Variants in RNF6 observed in about 807,000 individuals in gnomAD.
The protein encoded by RNF6 is ring finger protein 6.
In RNF6, 21 loss-of-function variants were observed where a neutral mutation model predicts 50.1. The ratio of observed to expected loss-of-function variants is 0.42; its 90% CI spans 0.30 to 0.60. The LOEUF is 0.60. RNF6 is among the 20% of genes least tolerant of loss of function. The probability of loss-of-function intolerance (pLI) is 0.20; values close to 1 mark genes in which losing one functional copy is unlikely to be tolerated. For missense variants in RNF6, 698 were observed against 838.2 expected (o/e 0.83, Z 2.07); for synonymous variants, 255 against 291.8 (o/e 0.87, Z 1.29).
intron 5 of RNF6, among the ~76,000 whole-genome samples, chr13:26,149,762 C>T (rs1871453071): frequency 6.6e-6 from 1 of 150,826 alleles, no homozygotes; most frequent in Non-Finnish European, 1.5e-5. Context: ...AGCCAGCAGG[C>T]CTTGGTTGAC....
rs1293057465 is a variant in RNF6 at position 26,214,704 on chromosome 13, C to T, written c.1178G>A (p.Arg393Gln). ...ESSRSSTAVRRHPTITLDLQV... is the reference protein window; with the variant it reads ...ESSRSSTAVRQHPTITLDLQV... ...AAGGTCCAGTGTGATTGTTGGATGTCGTCGTACAGCAGTTGAGGATCTGCT... is the reference window on the plus strand; with the variant it reads ...AAGGTCCAGTGTGATTGTTGGATGTTGTCGTACAGCAGTTGAGGATCTGCT... The change falls in exon 5 of 5, where the codon CGA (arginine) becomes CAA (glutamine). Residue 393 changes from arginine (R) to glutamine (Q), a missense_variant. By Grantham distance (43) the Arg-to-Gln change is conservative. Transcript: ENST00000381588. The T allele has an allele frequency of 1.4e-5, 22 of 1,614,106 alleles. No homozygotes were observed. The highest frequency in any genetic ancestry group is 4.0e-5 in the African/African-American group (3 of 74,938).
chr13:26,215,230 C>A lies in RNF6; in HGVS notation c.652G>T (p.Ala218Ser). The change falls in exon 5 of 5, where the codon GCT (alanine) becomes TCT (serine). Residue 218 changes from alanine to serine, a missense_variant. Transcript: ENST00000381588. Reference sequence around the variant, plus strand: ...TCAGCTGGATTTTGCCCCCTTGAAGCAAGCCTAGTCCTTGGAATGTTGGAA... The same window carrying A: ...TCAGCTGGATTTTGCCCCCTTGAAGAAAGCCTAGTCCTTGGAATGTTGGAA... Reference protein sequence around the residue: ...SSSNIPRTRLASRGQNPAEGS... With the variant: ...SSSNIPRTRLSSRGQNPAEGS... 1 of 1,614,202 alleles carries A rather than the reference C, an allele frequency of 6.2e-7. No homozygotes were observed. The highest frequency in any genetic ancestry group is 1.1e-5 in the South Asian group (1 of 91,082).
chr13:26,181,180 C>T (rs1873222044), intron 5 of RNF6, among the ~76,000 whole-genome samples: 1 of 152,190 alleles, frequency 6.6e-6, no homozygotes, highest in Non-Finnish European at 1.5e-5. Flanking sequence ...CCTGTGCACC[C>T]AGGAAAAGCA....
chr13:26,203,425 G>C (rs117438590), intron 5 of RNF6, among the ~76,000 whole-genome samples: 1 of 152,238 alleles, frequency 6.6e-6, no homozygotes, highest in Non-Finnish European at 1.5e-5. Flanking sequence ...GTTTCTAAAT[G>C]TGCTAAGGAT....
intron 5 of RNF6, among the ~76,000 whole-genome samples, chr13:26,155,582 G>A (rs1359873185): frequency 1.3e-5 from 2 of 152,150 alleles, no homozygotes; most frequent in African/African-American, 4.8e-5. Context: ...CGTCATCAAG[G>A]GAAGGCCCGT....
chr13:26,185,437 G>A (rs1873469433), intron 5 of RNF6, among the ~76,000 whole-genome samples: 1 of 151,476 alleles, frequency 6.6e-6, no homozygotes, highest in Non-Finnish European at 1.5e-5. Flanking sequence ...CATTTGAAGT[G>A]CATTTTTTTT....
At chr13:26,184,013 TA>T (rs1873379967) in intron 5 of RNF6, among the ~76,000 whole-genome samples, 7 of 16,742 alleles carry the variant, frequency 4.2e-4, no homozygotes, top group African/African-American at 9.4e-4. Context: ...TATATATATA[TA>T]TATATTTTTT....
rs754099680 is a variant in RNF6 at position 26,215,594 on chromosome 13, T to C, written c.290-2A>G. 2.5e-6 allele frequency: 4 copies of C among 1,591,326 alleles called. No individual in the cohort carries two copies. The highest frequency in any genetic ancestry group is 3.4e-6 in the Non-Finnish European group (4 of 1,175,070). The stretch of plus-strand genomic sequence containing the variant: ...AACTTTCTCTAGGGACTTCTGAGTC[T>C]AGAAAGCAAAGCAAATCAACTTAAG... On this transcript the variant is annotated splice_acceptor_variant, in intron 4 of 4. Coordinates refer to ENST00000381588, the MANE Select transcript of RNF6 (RefSeq NM_005977.4). LOFTEE classifies it high-confidence loss of function.
chr13:26,181,750 G>A (rs1012066895), intron 5 of RNF6, among the ~76,000 whole-genome samples: 2 of 152,304 alleles, frequency 1.3e-5, no homozygotes, highest in Non-Finnish European at 2.9e-5. Context: ...GCTTTTCTAT[G>A]CAACCATCTT....
At chr13:26,144,078 A>G (rs1017350273) in intron 5 of RNF6, among the ~76,000 whole-genome samples, 3 of 152,208 alleles carry the variant, frequency 2.0e-5, no homozygotes, top group South Asian at 4.2e-4. Context: ...GAGGAATCCT[A>G]TCATATCAGG....
intron 5 of RNF6, among the ~76,000 whole-genome samples, chr13:26,171,879 T>C (rs1872710474): frequency 6.6e-6 from 1 of 152,160 alleles, no homozygotes; most frequent in South Asian, 2.1e-4. Flanking sequence ...AAAAGTAGAA[T>C]AATAGAAGTT....
intron 5 of RNF6, among the ~76,000 whole-genome samples, chr13:26,184,235 G>T (rs951124072): frequency 6.6e-6 from 1 of 151,614 alleles, no homozygotes. Context: ...GTTCCACCCT[G>T]TTAGCCAGGA....
Position 26,133,865 on chromosome 13 carries a change from T to A in RNF6, n.769-1414A>T, listed in dbSNP as rs182364666. ...ACATCAATTGACTGTATTTTTTCAT[T>A]CAGTTTAAGATCTTCCTGGTTTTTG... On this transcript the variant is annotated intron_variant and non_coding_transcript_variant, in intron 5 of 5. Transcript: ENST00000468480. Among the ~76,000 whole-genome samples, 8 of 152,354 alleles carry A rather than the reference T, an allele frequency of 5.3e-5. No homozygotes were observed. In the East Asian group the frequency reaches 1.5e-3, roughly 29 times the overall value.
chr13:26,137,927 G>T (rs1870736240), intron 5 of RNF6, among the ~76,000 whole-genome samples: 2 of 151,990 alleles, frequency 1.3e-5, no homozygotes, highest in South Asian at 4.1e-4. Flanking sequence ...ACATGAAGAA[G>T]AACATTTAAA....
intron 5 of RNF6, among the ~76,000 whole-genome samples, chr13:26,170,312 C>T (rs984803597): frequency 2.6e-5 from 4 of 151,612 alleles, no homozygotes; most frequent in Non-Finnish European, 4.4e-5. Flanking sequence ...AAGCAAAATC[C>T]AGATTTAATA....
chr13:26,150,312 A>C (rs1871525601), intron 5 of RNF6, among the ~76,000 whole-genome samples: 1 of 152,134 alleles, frequency 6.6e-6, no homozygotes, highest in East Asian at 1.9e-4. Flanking sequence ...ATGTCTTTAC[A>C]GGATGGGTTG....
chr13:26,195,211 GAATCAA>G (rs1868612570), intron 5 of RNF6, among the ~76,000 whole-genome samples: 1 of 152,132 alleles, frequency 6.6e-6, no homozygotes, highest in Admixed American at 6.5e-5. Flanking sequence ...GAAATCCTAA[GAATCAA>G]AATGAAATGC....
In RNF6 at chr13:26,213,832, T is replaced by G. The variant is rs940135281; in HGVS notation, c.2050A>C (p.Asn684His). ...GAGTAGATCCCATCACCTTACCCAT[T>G]GTTTGCTATGTTAGACCCTAAAACA... ...QPVLGSNIANNG is the reference protein window; with the variant it reads ...QPVLGSNIANHG The change falls in exon 5 of 5, where the codon AAT (asparagine) becomes CAT (histidine). Residue 684 changes from asparagine (N) to histidine (H), a missense_variant. Asn to His is a moderately conservative substitution (Grantham distance 68). Transcript: ENST00000381588. The G allele has an allele frequency of 6.2e-7, 1 of 1,603,228 alleles. No homozygotes were observed. Among genetic ancestry groups the G allele is most frequent in the African/African-American group, 1.3e-5 (1 of 74,698 alleles).
At chr13:26,166,797 G>A (rs144109287) in intron 5 of RNF6, among the ~76,000 whole-genome samples, 4,636 of 152,208 alleles carry the variant, frequency 0.03, 95 homozygotes, top group South Asian at 0.057. Context: ...GTGCGTGCCT[G>A]TAATCCCAGA....
Sources: allele counts gnomAD v4.1 joint callset (sites outside exome capture counted in the v4.1 genomes callset), GRCh38; gene constraint gnomAD v4.1.1; transcripts MANE v1.5; gene names NCBI Gene and HGNC (gene_info 2026-07-23, HGNC 2026-07-21).